The following PBX1 variants were observed in gnomAD, a reference collection of about 807,000 sequenced individuals.
The protein encoded by PBX1 is pre-B-cell leukemia transcription factor 1.
Under a neutral mutation model 53.4 loss-of-function variants are expected in PBX1, and 6 were observed. The ratio of observed to expected loss-of-function variants is 0.11; its 90% confidence interval spans 0.06 to 0.22. The LOEUF is 0.22. Among genes scored for constraint, PBX1 ranks in the 10% least tolerant of loss-of-function variants. PBX1 has a pLI of 1.00. For missense variants in PBX1, 251 were observed against 551.4 expected, an observed-to-expected ratio of 0.46 and a Z score of 5.46; for synonymous variants, 204 against 212.3, an observed-to-expected ratio of 0.96 and a Z score of 0.34.
rs569656610 is a variant in PBX1, at chr1:164,599,857, CT to C, written c.265+36555del. On this transcript the variant is annotated intron_variant, in intron 2 of 8. Coordinates refer to ENST00000420696, the MANE Select transcript of PBX1 (RefSeq NM_002585.4). ...GCTTTGTACAAACCCCCTCTCCCCG[CT>C]TTTTTTTTCTTCTTTTCTTAAAAAG... Among the ~76,000 whole-genome samples, 9 of 151,490 alleles carry C rather than the reference CT, an allele frequency of 5.9e-5. No homozygotes were observed. The South Asian group carries it at 1.0e-3, about 18-fold the overall frequency.
intron 2 of PBX1, among the ~76,000 whole-genome samples, chr1:164,717,820 T>C (rs1357311489): frequency 1.3e-5 from 2 of 152,202 alleles, no homozygotes; most frequent in East Asian, 3.9e-4. Context: ...GTATTAATAT[T>C]ACCTGCTCCC....
At chr1:164,569,365 T>C (rs1049953933) in intron 2 of PBX1, among the ~76,000 whole-genome samples, 1 of 152,110 alleles carries the variant, frequency 6.6e-6, no homozygotes, top group African/African-American at 2.4e-5. Context: ...AGGTGATAGA[T>C]GTAAATTACA....
intron 2 of PBX1, among the ~76,000 whole-genome samples, chr1:164,705,989 A>G (rs1358059731): frequency 6.6e-6 from 1 of 152,224 alleles, no homozygotes; most frequent in Non-Finnish European, 1.5e-5. Flanking sequence ...AATGTTTTCA[A>G]AAGGACTTAA....
rs527366247 is a variant in PBX1, at chr1:164,847,006, A to C, written c.*330A>C. 58 of 1,163,784 alleles carry C rather than the reference A, an allele frequency of 5.0e-5. No homozygotes were observed. Among genetic ancestry groups the C allele is most frequent in the Non-Finnish European group, 6.0e-5 (56 of 939,880 alleles). The allele number at this position is 1,163,784 out of a possible 1,614,324, so 72.1% of individuals were successfully genotyped here. The stretch of plus-strand genomic sequence containing the variant: ...TCTCATATCACTGAAGGATATTTTC[A>C]ACAATTAGAGGAATTTAAAGAGGAA... On this transcript the variant is annotated 3_prime_UTR_variant, in exon 9 of 9. Coordinates refer to ENST00000420696, the MANE Select transcript of PBX1 (RefSeq NM_002585.4).
chr1:164,744,973 T>C (rs1571325688), intron 2 of PBX1, among the ~76,000 whole-genome samples: 1 of 152,104 alleles, frequency 6.6e-6, no homozygotes, highest in Admixed American at 6.6e-5. Flanking sequence ...TACACCAAAC[T>C]TACAAGGTAA....
chr1:164,726,230 A>C (rs1180779981), intron 2 of PBX1, among the ~76,000 whole-genome samples: 2 of 152,202 alleles, frequency 1.3e-5, no homozygotes, highest in Non-Finnish European at 2.9e-5. Flanking sequence ...TGCCTCCTCC[A>C]GGAACAGAAT....
At chr1:164,681,718 A>G (rs1001769184) in intron 2 of PBX1, among the ~76,000 whole-genome samples, 2 of 152,212 alleles carry the variant, frequency 1.3e-5, no homozygotes, top group Non-Finnish European at 2.9e-5. Flanking sequence ...AAAACTACCT[A>G]TGAGGTACTA....
At chr1:164,780,567 C>T (rs905004968) in intron 2 of PBX1, among the ~76,000 whole-genome samples, 2 of 152,056 alleles carry the variant, frequency 1.3e-5, no homozygotes, top group Non-Finnish European at 2.9e-5. Flanking sequence ...CCAGGGAAGA[C>T]GTCTGGGAGA....
At chr1:164,842,313 T>C (rs891854519) in intron 8 of PBX1, among the ~76,000 whole-genome samples, 15 of 152,150 alleles carry the variant, frequency 9.9e-5, no homozygotes, top group Admixed American at 9.8e-4. Context: ...CATCCTTGGC[T>C]CAAGAGCTAG....
chr1:164,699,112 A>G (rs17383948), intron 2 of PBX1, among the ~76,000 whole-genome samples: 28,880 of 152,230 alleles, frequency 0.19, 3,539 homozygotes, highest in Admixed American at 0.3. Flanking sequence ...CTCACATAGC[A>G]GCGGGCCTGG....
intron 2 of PBX1, among the ~76,000 whole-genome samples, chr1:164,676,939 G>A (rs1661465060): frequency 6.6e-6 from 1 of 152,038 alleles, no homozygotes; most frequent in African/African-American, 2.4e-5. Flanking sequence ...ATACCCAGTG[G>A]GACATTCTAG....
intron 2 of PBX1, among the ~76,000 whole-genome samples, chr1:164,870,398 G>A (rs1224426323): frequency 6.8e-6 from 1 of 147,956 alleles, no homozygotes; most frequent in Non-Finnish European, 1.5e-5. Flanking sequence ...AGGCTGGAGT[G>A]CAGTGGCACG....
intron 3 of PBX1, among the ~76,000 whole-genome samples, chr1:164,798,640 T>C (rs1282361459): frequency 6.6e-6 from 1 of 152,240 alleles, no homozygotes; most frequent in Non-Finnish European, 1.5e-5. Context: ...GGGCCACTTC[T>C]TCCTGTTAAA....
intron 2 of PBX1, among the ~76,000 whole-genome samples, chr1:164,786,720 T>TGTGTGTGTGCGCGCGCGCGC (rs1357886882): frequency 8.6e-6 from 1 of 116,256 alleles, no homozygotes; most frequent in African/African-American, 3.5e-5. Flanking sequence ...TGTGTGTGTG[T>TGTGTGTGTGCGCGCGCGCGC]GCGCGCGCAC....
chr1:164,685,058 C>G (rs1308143329), intron 2 of PBX1: 1 of 152,162 alleles, frequency 6.6e-6, no homozygotes, highest in Non-Finnish European at 1.5e-5. Context: ...GAAAGTAAGT[C>G]TCAGAGAGGT....
intron 2 of PBX1, among the ~76,000 whole-genome samples, chr1:164,672,583 T>G (rs1661177031): frequency 6.6e-6 from 1 of 152,172 alleles, no homozygotes. Flanking sequence ...TCCATAAGAT[T>G]TTTTCCCCCT....
intron 2 of PBX1, among the ~76,000 whole-genome samples, chr1:164,687,326 C>T (rs1489334): frequency 0.02 from 3,072 of 152,196 alleles, 101 homozygotes; most frequent in African/African-American, 0.07. Flanking sequence ...CTTTGGGAGG[C>T]TGAGCCAGGA....
At chr1:164,757,335 A>G (rs910931031) in intron 2 of PBX1, among the ~76,000 whole-genome samples, 2 of 152,178 alleles carry the variant, frequency 1.3e-5, no homozygotes, top group African/African-American at 4.8e-5. Flanking sequence ...TTAACATAAC[A>G]CCTGGAAATT....
At chr1:164,697,451 A>G (rs1662860638) in intron 2 of PBX1, among the ~76,000 whole-genome samples, 1 of 152,200 alleles carries the variant, frequency 6.6e-6, no homozygotes, top group Non-Finnish European at 1.5e-5. Flanking sequence ...TTTCTATTCT[A>G]TGTCAACCCT....
Sources: gnomAD v4.1 joint callset for allele counts (sites outside exome capture counted in the v4.1 genomes callset) on GRCh38, gnomAD v4.1.1 for gene constraint, MANE v1.5 for transcripts, NCBI Gene and HGNC (gene_info 2026-07-23, HGNC 2026-07-21) for gene names.